The following FBXW8 variants were observed in gnomAD, a reference collection of about 807,000 sequenced individuals.
FBXW8 encodes F-box and WD repeat domain containing 8.
Under a neutral mutation model 65.3 loss-of-function variants are expected in FBXW8, and 57 were observed. The observed-to-expected ratio is 0.87, with a 90% CI of 0.71 to 1.09. The LOEUF (loss-of-function observed/expected upper bound fraction) is 1.09. Ranked by LOEUF, FBXW8 falls within the 50% of genes least tolerant of loss-of-function variation. The pLI is 0.00. For synonymous variants in FBXW8, 308 were observed against 330.2 expected, an observed-to-expected ratio of 0.93 and a Z score of 0.73; for missense variants, 777 against 814.8, an observed-to-expected ratio of 0.95 and a Z score of 0.57.
chr12:116,918,610 T>C (rs1880625952), intron 1 of FBXW8, among the ~76,000 whole-genome samples: 1 of 152,210 alleles, frequency 6.6e-6, no homozygotes, highest in African/African-American at 2.4e-5. Flanking sequence ...GAAAGAGAGC[T>C]GCAAGTCATG....
chr12:117,005,574 TG>T (rs1447674194), intron 7 of FBXW8, among the ~76,000 whole-genome samples: 1 of 152,164 alleles, frequency 6.6e-6, no homozygotes, highest in African/African-American at 2.4e-5. Context: ...ACCACAGATC[TG>T]GGGAAGAGCC....
intron 7 of FBXW8, among the ~76,000 whole-genome samples, chr12:116,997,515 T>C (rs1047980521): frequency 3.3e-5 from 5 of 152,264 alleles, no homozygotes; most frequent in African/African-American, 7.2e-5. Context: ...AGAAAGGTAA[T>C]GTCCTTTGTA....
In FBXW8 at chr12:117,029,393, T is replaced by TA; in HGVS notation, c.*1226dup. 6.6e-6 allele frequency: 1 copy of TA among 151,732 alleles called. No individual in the cohort carries two copies. Among genetic ancestry groups the TA allele is most frequent in the African/African-American group, 2.4e-5 (1 of 41,274 alleles). 9.4% of individuals were successfully genotyped at this position (151,732 alleles called of 1,614,324 possible). ...ATTTACTTGGATTTAAAGAGGTTAA[T>TA]AAAAACAAACTATAAACTCTCTAGA... On this transcript the variant is annotated 3_prime_UTR_variant, in exon 11 of 11. Transcript: ENST00000652555.
At chr12:117,027,340 C>T in intron 9 of FBXW8, 54 bp from the exon 10 acceptor site, 1 of 1,372,304 alleles carries the variant, frequency 7.3e-7, no homozygotes, top group Non-Finnish European at 1.0e-6. Context: ...CCTGCGGCAG[C>T]AAGTGCAGGC....
Position 116,911,051 on chromosome 12 carries a change from G to T in FBXW8, c.14G>T (p.Ser5Ile), listed in dbSNP as rs770664743. The T allele has an allele frequency of 1.5e-5, 22 of 1,452,682 alleles. No individual in the cohort carries two copies. The highest frequency in any genetic ancestry group is 2.0e-5 in the Non-Finnish European group (22 of 1,111,120). The allele number at this position is 1,452,682 out of a possible 1,614,324, so 90.0% of individuals were successfully genotyped here. MDDY[S>I]LDEFRRRWQE... ...GGAGCGGCGAATATGGACGACTACA[G>T]CCTGGATGAGTTCCGTCGGCGCTGG... Residue 5 changes from serine to isoleucine, a missense_variant, in exon 1 of 11, where the codon AGC becomes ATC. Coordinates refer to ENST00000652555, the MANE Select transcript of FBXW8 (RefSeq NM_153348.3).
chr12:116,935,912 C>T (rs1882123322), intron 2 of FBXW8, among the ~76,000 whole-genome samples: 1 of 152,164 alleles, frequency 6.6e-6, no homozygotes, highest in African/African-American at 2.4e-5. Flanking sequence ...TGGACTTACA[C>T]TTTTATCTCA....
At chr12:116,993,963 A>T (rs1953313598) in intron 7 of FBXW8, among the ~76,000 whole-genome samples, 1 of 152,196 alleles carries the variant, frequency 6.6e-6, no homozygotes, top group Non-Finnish European at 1.5e-5. Flanking sequence ...CAATTTTCCC[A>T]GCACCATTTA....
At chr12:117,012,304 G>A (rs901443742) in intron 8 of FBXW8, among the ~76,000 whole-genome samples, 2 of 151,612 alleles carry the variant, frequency 1.3e-5, no homozygotes, top group Non-Finnish European at 1.5e-5. Flanking sequence ...TTTTTAAAAC[G>A]CTCTGTCTCT....
At position 117,030,265 on chromosome 12, in the gene FBXW8, C is replaced by A. The variant is rs925719730; in HGVS notation, c.*2093C>A. 1 of 152,198 alleles carries A rather than the reference C, an allele frequency of 6.6e-6. No individual in the cohort carries two copies. The highest frequency in any genetic ancestry group is 1.5e-5 in the Non-Finnish European group (1 of 68,028). The allele number at this position is 152,198 out of a possible 1,614,324, so 9.4% of individuals were successfully genotyped here. A position where few individuals can be genotyped will look rare whatever the true frequency, so the allele number is the denominator to read the frequency against. On this transcript the variant is annotated 3_prime_UTR_variant, in exon 11 of 11. Coordinates refer to ENST00000652555, the MANE Select transcript of FBXW8 (RefSeq NM_153348.3). ...GGAAGCGTCACCTTCCCGTCCAGAG[C>A]GCTTTCTTTCAGACCCTGCCTACCT...
At chr12:116,981,492 T>G (rs751859091) in intron 5 of FBXW8, among the ~76,000 whole-genome samples, 38 of 152,168 alleles carry the variant, frequency 2.5e-4, no homozygotes, top group Non-Finnish European at 4.6e-4. Context: ...GTAATAACAA[T>G]GTATTTAAGG....
At chr12:117,025,567 G>A (rs762402684) in intron 9 of FBXW8, among the ~76,000 whole-genome samples, 1 of 152,204 alleles carries the variant, frequency 6.6e-6, no homozygotes, top group Non-Finnish European at 1.5e-5. Context: ...TGCAGAATGG[G>A]CTTCTTCCTT....
rs781757882 is a variant in FBXW8 at position 116,959,249 on chromosome 12, TG to T, written c.678-5447del. On this transcript the variant is annotated intron_variant, in intron 4 of 10. Transcript: ENST00000652555. ...GAATTGATGGGTTAGGGTCAGGGGC[TG>T]TGTCCTGCAAACCTGAGTCATAATA... is the stretch of plus-strand genomic sequence containing the variant. 4.1e-4 allele frequency among the ~76,000 whole-genome samples: 63 copies of T among 152,338 alleles called. 1 individual carries two copies. Among genetic ancestry groups the T allele is most frequent in the Non-Finnish European group, 7.9e-4 (54 of 68,030 alleles).
rs1954305141 is a variant in FBXW8, at chr12:117,029,204, G to A, written c.*1032G>A. ...ACAAAGAACAGCTCAGATGCACAAA[G>A]ATTCACACCATACAGGCCAAATTAT... On this transcript the variant is annotated 3_prime_UTR_variant, in exon 11 of 11. Coordinates refer to ENST00000652555, the MANE Select transcript of FBXW8 (RefSeq NM_153348.3). 6.6e-6 allele frequency: 1 copy of A among 152,204 alleles called. No homozygotes were observed. The highest frequency in any genetic ancestry group is 2.1e-4 in the South Asian group (1 of 4,818). 9.4% of individuals were successfully genotyped at this position (152,204 alleles called of 1,614,324 possible).
At chr12:117,021,963 T>G (rs1954110384) in intron 8 of FBXW8, among the ~76,000 whole-genome samples, 1 of 152,220 alleles carries the variant, frequency 6.6e-6, no homozygotes, top group Non-Finnish European at 1.5e-5. Context: ...AGTCTGTTCC[T>G]GATGTTTCAC....
intron 4 of FBXW8, among the ~76,000 whole-genome samples, chr12:116,955,620 A>G (rs1368855318): frequency 1.3e-5 from 2 of 152,222 alleles, no homozygotes; most frequent in Non-Finnish European, 2.9e-5. Flanking sequence ...TTATTGTGGT[A>G]ACAGCTCTTA....
chr12:117,022,990 G>A (rs1012163616), intron 8 of FBXW8, among the ~76,000 whole-genome samples: 1 of 152,188 alleles, frequency 6.6e-6, no homozygotes, highest in Non-Finnish European at 1.5e-5. Context: ...TCTTGTTCTG[G>A]TATTTTGCTA....
At chr12:116,981,170 T>A (rs1434872754) in intron 5 of FBXW8, among the ~76,000 whole-genome samples, 1 of 152,196 alleles carries the variant, frequency 6.6e-6, no homozygotes, top group East Asian at 1.9e-4. Flanking sequence ...CCTTGCAGTT[T>A]TGAGATTATA....
rs116654669 is a variant in FBXW8, at chr12:116,990,180, C to T, written c.1239+1311C>T. 4.5e-3 allele frequency among the ~76,000 whole-genome samples: 684 copies of T among 152,280 alleles called. 6 individuals are homozygous for T. Among genetic ancestry groups the T allele is most frequent in the African/African-American group, 0.015 (639 of 41,552 alleles). On this transcript the variant is annotated intron_variant, in intron 7 of 10. Transcript: ENST00000652555. ...TCTTCATCCAGGAAGATAGACTAAG[C>T]GGTAGACGATATGTGTGGCATCCTA... is the stretch of plus-strand genomic sequence containing the variant.
chr12:116,964,596 C>G, intron 4 of FBXW8, 101 bp from the exon 5 acceptor site: 4 of 1,419,778 alleles, frequency 2.8e-6, no homozygotes, highest in Non-Finnish European at 3.9e-6. Context: ...CTACACCACC[C>G]GATTCTTACT....
Sources: allele counts gnomAD v4.1 joint callset (sites outside exome capture counted in the v4.1 genomes callset), GRCh38; gene constraint gnomAD v4.1.1; transcripts MANE v1.5; gene names NCBI Gene and HGNC (gene_info 2026-07-23, HGNC 2026-07-21).